Variants in ZNF276 observed in about 807,000 individuals in gnomAD.
ZNF276 encodes the protein centromere protein Z.
Under a neutral mutation model 63.9 loss-of-function variants are expected in ZNF276, and 59 were observed. That is an observed-to-expected ratio of 0.92 (90% CI 0.75 to 1.15). The LOEUF is 1.15. ZNF276 is among the 50% of genes most tolerant of loss of function. The pLI is 0.00. For missense variants in ZNF276, 1,084 were observed against 843.8 expected (o/e 1.28, Z -3.53); for synonymous variants, 496 against 348.4 (o/e 1.42, Z -4.72).
intron 8 of ZNF276, 89 bp downstream of exon 8, chr16:89,733,646 CTT>C (rs2061749305): frequency 2.0e-6 from 3 of 1,491,462 alleles, no homozygotes; most frequent in Admixed American, 1.7e-5. Context: ...CTAACTCAGA[CTT>C]GCGCCCAAGG....
intron 2 of ZNF276, 122 bp downstream of exon 2, chr16:89,722,956 G>C (rs1018623905): frequency 1.3e-6 from 2 of 1,556,804 alleles, no homozygotes; most frequent in Admixed American, 1.8e-5. Context: ...GCCATGCCCG[G>C]GTTCAGTGCC....
In ZNF276 at chr16:89,739,595, T is replaced by C. The variant is rs977243598; in HGVS notation, c.*1349T>C. 5.9e-6 allele frequency: 9 copies of C among 1,536,810 alleles called. No individual in the cohort carries two copies. The highest frequency in any genetic ancestry group is 7.1e-6 in the Non-Finnish European group (8 of 1,134,338). On this transcript the variant is annotated 3_prime_UTR_variant, in exon 11 of 11. Transcript: ENST00000443381. ...TGGCTCAGGCAACTCTGGACATCTC[T>C]GCCTATTATCAGTGCTGGGGACACC...
Position 89,724,852 on chromosome 16 carries a change from C to T in ZNF276, c.1006+1143C>T, listed in dbSNP as rs560613074. Among the ~76,000 whole-genome samples the T allele has an allele frequency of 3.3e-5, 5 of 152,208 alleles. No homozygotes were observed. In the East Asian group the frequency reaches 5.8e-4, roughly 18 times the overall value. On this transcript the variant is annotated intron_variant, in intron 4 of 10. Transcript: ENST00000443381. ...TACCTACCTATCTATCTTCCTACTT[C>T]TTTGTCTCTCTCTATCTACCTACCT...
At chr16:89,728,543 C>T (rs1382521335) in intron 5 of ZNF276, among the ~76,000 whole-genome samples, 1 of 152,232 alleles carries the variant, frequency 6.6e-6, no homozygotes, top group African/African-American at 2.4e-5. Context: ...GCTGGGACTA[C>T]AGGCACCCGC....
intron 6 of ZNF276, among the ~76,000 whole-genome samples, chr16:89,729,608 C>T (rs1185310421): frequency 1.3e-5 from 2 of 152,174 alleles, no homozygotes; most frequent in African/African-American, 4.8e-5. Context: ...GACAGAACCC[C>T]GCCTTGCTTG....
intron 5 of ZNF276, among the ~76,000 whole-genome samples, chr16:89,728,508 A>G (rs1333835396): frequency 6.6e-6 from 1 of 152,218 alleles, no homozygotes; most frequent in East Asian, 1.9e-4. Context: ...GGTTCACGCC[A>G]TTCTCCGGCC....
chr16:89,734,142 G>A (rs7189734), intron 9 of ZNF276, 104 bp downstream of exon 9: 245,047 of 1,081,740 alleles, frequency 0.23, 29,862 homozygotes, highest in Middle Eastern at 0.29. Context: ...TTGGGGGTGC[G>A]TGAAGGTGGC....
chr16:89,740,582 G>A lies in ZNF276; in HGVS notation c.*2336G>A. ...ACCCAGGAGGCTGAGGTTGCAGTGA[G>A]CTGAGATCACACCACTGCACTCCAG... On this transcript the variant is annotated 3_prime_UTR_variant, in exon 11 of 11. Transcript: ENST00000443381. 2 of 570,020 alleles carry A rather than the reference G, an allele frequency of 3.5e-6. No homozygotes were observed. The highest frequency in any genetic ancestry group is 3.1e-6 in the Non-Finnish European group (1 of 320,090). The allele number at this position is 570,020 out of a possible 1,614,324, so 35.3% of individuals were successfully genotyped here.
intron 5 of ZNF276, among the ~76,000 whole-genome samples, chr16:89,728,437 T>A (rs1436636191): frequency 2.0e-5 from 3 of 152,076 alleles, no homozygotes; most frequent in Non-Finnish European, 4.4e-5. Flanking sequence ...GGAGTCTCGC[T>A]GTGTTGCCCA....
At chr16:89,733,263 G>T in intron 6 of ZNF276, 39 bp from the exon 7 acceptor site, 2 of 1,577,610 alleles carry the variant, frequency 1.3e-6, no homozygotes, top group Non-Finnish European at 8.7e-7. Context: ...TGCAAATGGA[G>T]ATCAGAAACC....
At chr16:89,723,068 G>A in intron 2 of ZNF276, 69 bp from the exon 3 acceptor site, 1 of 1,611,936 alleles carries the variant, frequency 6.2e-7, no homozygotes, top group Non-Finnish European at 8.5e-7. Flanking sequence ...TCTCGAGAGG[G>A]TCCCGTACGA....
At chr16:89,736,999 T>C (rs1176407783) in intron 9 of ZNF276, among the ~76,000 whole-genome samples, 1 of 152,084 alleles carries the variant, frequency 6.6e-6, no homozygotes, top group African/African-American at 2.4e-5. Flanking sequence ...GCTTGACAGA[T>C]GTGGAGGCAG....
intron 9 of ZNF276, among the ~76,000 whole-genome samples, chr16:89,736,012 C>T (rs1894297739): frequency 6.6e-6 from 1 of 152,084 alleles, no homozygotes; most frequent in Non-Finnish European, 1.5e-5. Context: ...CTGCCTCAGC[C>T]TCCCAAATAG....
intron 6 of ZNF276, chr16:89,732,284 C>T (rs2061678859): frequency 6.6e-6 from 1 of 152,332 alleles, no homozygotes; most frequent in Non-Finnish European, 1.5e-5. Flanking sequence ...GTCTCCTGCC[C>T]ACCATGGTCC....
chr16:89,729,279 A>G lies in ZNF276; in HGVS notation c.1130A>G (p.Gln377Arg). The G allele has an allele frequency of 1.2e-6, 2 of 1,614,180 alleles. No individual in the cohort carries two copies. Among genetic ancestry groups the G allele is most frequent in the Non-Finnish European group, 1.7e-6 (2 of 1,180,024 alleles). The change falls in exon 6 of 11, where the codon CAG becomes CGG. Residue 377 changes from glutamine (Q) to arginine (R), a missense_variant. Physicochemically the swap from Gln to Arg is conservative, Grantham distance 43 (BLOSUM62 1). Transcript: ENST00000443381. ...GAAAATGACAAGAAGCAAAATGCCC[A>G]GTCTTCGGACGAGTCCTTTGAGCCT... ...EDENDKKQNA[Q>R]SSDESFEPYP...
chr16:89,728,616 A>C (rs977233734), intron 5 of ZNF276, among the ~76,000 whole-genome samples: 3 of 151,632 alleles, frequency 2.0e-5, no homozygotes, highest in Non-Finnish European at 2.9e-5. Flanking sequence ...GTTAGCCGGG[A>C]TGGTCTTGAT....
At position 89,726,249 on chromosome 16, in the gene ZNF276, T is replaced by TA. The variant is rs557697979; in HGVS notation, c.1007-1030_1007-1029insA. On this transcript the variant is annotated intron_variant, in intron 4 of 10. Coordinates refer to ENST00000443381, the MANE Select transcript of ZNF276 (RefSeq NM_001113525.2). ...TCACTCTTTGTTACCCAGGCTGGAG[T>TA]GCAGTGGCACGATATCAGCTCACCA... is the stretch of plus-strand genomic sequence containing the variant. Among the ~76,000 whole-genome samples the TA allele has an allele frequency of 7.9e-5, 12 of 152,246 alleles. No homozygotes were observed. The East Asian group carries it at 2.1e-3, about 27-fold the overall frequency.
chr16:89,733,157 G>A lies in ZNF276; in HGVS notation c.1170-145G>A, dbSNP rs978232841. The A allele has an allele frequency of 2.6e-5, 20 of 760,290 alleles. No individual in the cohort carries two copies. The South Asian group carries it at 3.6e-4, about 14-fold the overall frequency. 47.1% of individuals were successfully genotyped at this position (760,290 alleles called of 1,614,324 possible). A position where few individuals can be genotyped will look rare whatever the true frequency, so the allele number is the denominator to read the frequency against. ...TGTCCAGAGTTGCTCTGGCTTTGGT[G>A]GCTTCAGGTAGATTCTGAGGGTCAG... On this transcript the variant is annotated intron_variant, in intron 6 of 10. Transcript: ENST00000443381.
chr16:89,729,330 G>T lies in ZNF276; in HGVS notation c.1169+12G>T, dbSNP rs754361258. 1.9e-6 allele frequency: 3 copies of T among 1,613,722 alleles called. No homozygotes were observed. The highest frequency in any genetic ancestry group is 2.5e-6 in the Non-Finnish European group (3 of 1,179,740). On this transcript the variant is annotated intron_variant, in intron 6 of 10. Transcript: ENST00000443381. ...TACCCAGAAAGGAAGTAAGTGGGCA[G>T]CCCGGGGTCTGCTGGAGGCATCCGT...
Sources: gnomAD v4.1 joint callset for allele counts (sites outside exome capture counted in the v4.1 genomes callset) on GRCh38, gnomAD v4.1.1 for gene constraint, MANE v1.5 for transcripts, NCBI Gene and HGNC (gene_info 2026-07-23, HGNC 2026-07-21) for gene names.